Variants in MAPKAP1 observed in about 807,000 individuals in gnomAD.
MAPKAP1 encodes target of rapamycin complex 2 subunit MAPKAP1.
MAPKAP1 carries 20 observed loss-of-function variants against 65.7 expected under a neutral mutation model. The ratio of observed to expected loss-of-function variants is 0.30; its 90% CI spans 0.21 to 0.44. The LOEUF (loss-of-function observed/expected upper bound fraction) is 0.44, where lower values mean the gene tolerates loss of function less well. Ranked by LOEUF, MAPKAP1 falls within the 20% of genes least tolerant of loss-of-function variation. The pLI is 1.00. For missense variants in MAPKAP1, 423 were observed against 648.0 expected (o/e 0.65, Z 3.77); for synonymous variants, 222 against 244.3 (o/e 0.91, Z 0.85).
At chr9:125,690,519 C>T (rs1835134094) in intron 1 of MAPKAP1, among the ~76,000 whole-genome samples, 1 of 152,176 alleles carries the variant, frequency 6.6e-6, no homozygotes, top group Admixed American at 6.5e-5. Context: ...TGTCTATTTC[C>T]TCATCTGTAA....
chr9:125,690,742 A>G (rs1423614419), intron 1 of MAPKAP1, among the ~76,000 whole-genome samples: 1 of 152,228 alleles, frequency 6.6e-6, no homozygotes, highest in East Asian at 1.9e-4. Flanking sequence ...GAGGTAGAAG[A>G]CACAGCATCG....
chr9:125,589,286 GATTT>G (rs1253443423), intron 4 of MAPKAP1, among the ~76,000 whole-genome samples: 2 of 152,182 alleles, frequency 1.3e-5, no homozygotes, highest in African/African-American at 4.8e-5. Context: ...CAATTGAGAT[GATTT>G]ATTTATGTAC....
chr9:125,587,871 A>T (rs1026640490), intron 4 of MAPKAP1, among the ~76,000 whole-genome samples: 1 of 152,226 alleles, frequency 6.6e-6, no homozygotes, highest in Non-Finnish European at 1.5e-5. Flanking sequence ...GCTATAATTT[A>T]AAAAAGGCAA....
At chr9:125,649,280 A>T (rs957648969) in intron 4 of MAPKAP1, among the ~76,000 whole-genome samples, 2 of 152,208 alleles carry the variant, frequency 1.3e-5, no homozygotes, top group African/African-American at 4.8e-5. Context: ...GGTAGTGAGA[A>T]GGTAGTACAA....
intron 4 of MAPKAP1, among the ~76,000 whole-genome samples, chr9:125,651,388 T>C (rs1482516240): frequency 1.3e-5 from 2 of 152,074 alleles, no homozygotes; most frequent in Admixed American, 6.5e-5. Flanking sequence ...GCAGATCACC[T>C]GAGGTCAGGA....
At chr9:125,506,512 C>T in intron 7 of MAPKAP1, 95 bp from the exon 8 acceptor site, 1 of 1,045,404 alleles carries the variant, frequency 9.6e-7, no homozygotes, top group Non-Finnish European at 1.5e-6. Context: ...GCTGATAAAG[C>T]CTTAGTAAAG....
intron 4 of MAPKAP1, among the ~76,000 whole-genome samples, chr9:125,622,266 T>C (rs537997359): frequency 3.3e-5 from 5 of 152,220 alleles, no homozygotes; most frequent in African/African-American, 1.2e-4. Flanking sequence ...ATGTCAACAT[T>C]GTTACATTGT....
intron 6 of MAPKAP1, among the ~76,000 whole-genome samples, chr9:125,555,822 C>A (rs931840590): frequency 1.3e-5 from 2 of 152,172 alleles, no homozygotes; most frequent in African/African-American, 4.8e-5. Context: ...TACCCACTGC[C>A]CATGTTCACT....
intron 10 of MAPKAP1, among the ~76,000 whole-genome samples, chr9:125,458,823 G>A (rs948526027): frequency 1.1e-4 from 9 of 81,832 alleles, no homozygotes; most frequent in Non-Finnish European, 1.5e-4. Flanking sequence ...CCTCCCGGAC[G>A]GGGCGGCTGG....
At chr9:125,665,376 G>A (rs1284391609) in intron 3 of MAPKAP1, among the ~76,000 whole-genome samples, 2 of 152,098 alleles carry the variant, frequency 1.3e-5, no homozygotes, top group Non-Finnish European at 2.9e-5. Context: ...ACCCTGAGCT[G>A]ATTACTCATC....
At position 125,484,482 on chromosome 9, in the gene MAPKAP1, T is replaced by C. The variant is rs1485416579; in HGVS notation, c.1168A>G (p.Met390Val). ...GTTGTGAATCGCAGTCTGTGGATCATGCTGACTTTGAATGACTTGTAATGG... is the reference window on the plus strand; with the variant it reads ...GTTGTGAATCGCAGTCTGTGGATCACGCTGACTTTGAATGACTTGTAATGG... ...SHHYKSFKVSMIHRLRFTTDV... is the reference protein window; with the variant it reads ...SHHYKSFKVSVIHRLRFTTDV... Residue 390 changes from methionine (M) to valine (V), a missense_variant, in exon 9 of 12, where the codon ATG (methionine) becomes GTG (valine). Transcript: ENST00000265960. The C allele has an allele frequency of 1.9e-6, 3 of 1,613,378 alleles. No individual in the cohort carries two copies. The highest frequency in any genetic ancestry group is 2.7e-5 in the African/African-American group (2 of 74,918).
chr9:125,684,565 T>G (rs1340855860), intron 1 of MAPKAP1, among the ~76,000 whole-genome samples: 4 of 152,214 alleles, frequency 2.6e-5, no homozygotes, highest in African/African-American at 9.7e-5. Flanking sequence ...AAATCTATGC[T>G]TAAACCTTCT....
At chr9:125,453,935 C>T (rs955293567) in intron 10 of MAPKAP1, among the ~76,000 whole-genome samples, 8 of 152,226 alleles carry the variant, frequency 5.3e-5, no homozygotes, top group African/African-American at 1.9e-4. Flanking sequence ...TAAATACTAT[C>T]ACTTGTTCTC....
intron 3 of MAPKAP1, among the ~76,000 whole-genome samples, chr9:125,658,415 G>A (rs775121710): frequency 2.0e-5 from 3 of 152,188 alleles, no homozygotes; most frequent in Non-Finnish European, 2.9e-5. Flanking sequence ...CATTTATTTA[G>A]CAAGTCAATA....
intron 1 of MAPKAP1, among the ~76,000 whole-genome samples, chr9:125,676,903 C>T (rs1834661836): frequency 6.6e-6 from 1 of 152,090 alleles, no homozygotes; most frequent in African/African-American, 2.4e-5. Context: ...CTTCCCAAAG[C>T]TTTTAAATTA....
intron 10 of MAPKAP1, among the ~76,000 whole-genome samples, chr9:125,451,999 G>A (rs530760300): frequency 4.1e-4 from 62 of 151,900 alleles, no homozygotes; most frequent in African/African-American, 1.4e-3. Flanking sequence ...TAGTAGAGAC[G>A]GGGTTTCGCC....
chr9:125,439,203 G>C lies in MAPKAP1; in HGVS notation c.1444-191C>G, dbSNP rs982452600. 6.6e-6 allele frequency among the ~76,000 whole-genome samples: 1 copy of C among 152,192 alleles called. No homozygotes were observed. The highest frequency in any genetic ancestry group is 2.4e-5 in the African/African-American group (1 of 41,454). Reference sequence around the variant, plus strand: ...GCCCAGAGCCGCTGCTCTACGATGGGAAAACAGAGGCTTGGAGAAGCCAAG... The same window carrying C: ...GCCCAGAGCCGCTGCTCTACGATGGCAAAACAGAGGCTTGGAGAAGCCAAG... On this transcript the variant is annotated intron_variant, in intron 11 of 11. Transcript: ENST00000265960. This position sits in a 1 kb window ranked among gnomAD's most constrained non-coding sequence, Gnocchi z 4.0.
At chr9:125,559,099 T>C (rs939258154) in intron 6 of MAPKAP1, 9 of 152,282 alleles carry the variant, frequency 5.9e-5, no homozygotes, top group African/African-American at 2.2e-4. Context: ...CTGATAACTT[T>C]AAATAACAGA....
intron 7 of MAPKAP1, among the ~76,000 whole-genome samples, chr9:125,536,556 A>C (rs1230472457): frequency 2.7e-5 from 4 of 148,846 alleles, no homozygotes; most frequent in East Asian, 2.0e-4. Flanking sequence ...TTTTTGACAA[A>C]GATCACTTAA....
Sources: allele counts gnomAD v4.1 joint callset (sites outside exome capture counted in the v4.1 genomes callset), GRCh38; gene constraint gnomAD v4.1.1; non-coding constraint Gnocchi (gnomAD v3.1); transcripts MANE v1.5; gene names NCBI Gene and HGNC (gene_info 2026-07-23, HGNC 2026-07-21).